Variants in TAFA2 observed in about 807,000 individuals in gnomAD.
TAFA2 encodes the protein TAFA chemokine like family member 2.
A neutral mutation model predicts 18.8 loss-of-function variants in TAFA2; 7 were observed. The ratio of observed to expected loss-of-function variants is 0.37; its 90% CI spans 0.21 to 0.70. TAFA2 has a LOEUF of 0.70. Ranked by LOEUF, TAFA2 falls within the 30% of genes least tolerant of loss-of-function variation. The probability of loss-of-function intolerance (pLI) is 0.53; values close to 1 mark genes in which losing one functional copy is unlikely to be tolerated. For missense variants in TAFA2, 122 were observed against 158.1 expected (o/e 0.77, Z 1.23); for synonymous variants, 60 against 54.2 (o/e 1.11, Z -0.47).
At chr12:61,763,746 G>A (rs531026611) in intron 2 of TAFA2, among the ~76,000 whole-genome samples, 20 of 151,884 alleles carry the variant, frequency 1.3e-4, no homozygotes, top group Admixed American at 3.3e-4. Context: ...AAAGAGGGAT[G>A]GAGCTCGGAG....
chr12:62,116,478 C>T (rs560339748), intron 1 of TAFA2, among the ~76,000 whole-genome samples: 20 of 151,072 alleles, frequency 1.3e-4, no homozygotes, highest in Non-Finnish European at 2.5e-4. Context: ...TAGGCTCTGG[C>T]GTATGTGGCA....
chr12:61,927,370 C>T lies in TAFA2; in HGVS notation c.-1-59944G>A, dbSNP rs1464180179. 2.0e-5 allele frequency among the ~76,000 whole-genome samples: 3 copies of T among 152,062 alleles called. No homozygotes were observed. In the East Asian group the frequency reaches 5.8e-4, roughly 29 times the overall value. ...TCACAGCATTCCTATACAGCAATAA[C>T]AGATAAACAGAGAGCCAAATCATGA... On this transcript the variant is annotated intron_variant, in intron 1 of 4. Coordinates refer to ENST00000416284, the MANE Select transcript of TAFA2 (RefSeq NM_178539.5).
At chr12:62,058,710 C>T (rs1188113887) in intron 1 of TAFA2, among the ~76,000 whole-genome samples, 1 of 152,114 alleles carries the variant, frequency 6.6e-6, no homozygotes, top group Non-Finnish European at 1.5e-5. Context: ...CTTGTATTCT[C>T]GTCATTTTGG....
chr12:61,714,911 C>A (rs543335846), intron 4 of TAFA2, among the ~76,000 whole-genome samples: 1 of 152,330 alleles, frequency 6.6e-6, no homozygotes, highest in Non-Finnish European at 1.5e-5. Flanking sequence ...ATAGCTCAGG[C>A]TTTGTTCGGC....
chr12:62,228,117 T>G (rs2062795977), intron 1 of TAFA2, among the ~76,000 whole-genome samples: 1 of 152,148 alleles, frequency 6.6e-6, no homozygotes. Context: ...AATTTTTAAT[T>G]TTTTTATCGT....
intron 1 of TAFA2, among the ~76,000 whole-genome samples, chr12:62,022,546 T>C (rs1295874307): frequency 1.3e-5 from 2 of 152,212 alleles, no homozygotes; most frequent in African/African-American, 4.8e-5. Context: ...AGGAACTTGC[T>C]AAGTGCTTCA....
chr12:61,841,871 T>G (rs907366154), intron 2 of TAFA2, among the ~76,000 whole-genome samples: 3 of 152,018 alleles, frequency 2.0e-5, no homozygotes, highest in Non-Finnish European at 2.9e-5. Flanking sequence ...TTATTATGTG[T>G]CCATAAAACA....
At chr12:62,127,645 A>T (rs898915611) in intron 1 of TAFA2, among the ~76,000 whole-genome samples, 1 of 151,968 alleles carries the variant, frequency 6.6e-6, no homozygotes, top group Non-Finnish European at 1.5e-5. Flanking sequence ...GAGACCATGA[A>T]GGTCTTAAAC....
chr12:62,115,373 A>G (rs1180823886), intron 1 of TAFA2, among the ~76,000 whole-genome samples: 1 of 152,128 alleles, frequency 6.6e-6, no homozygotes, highest in Non-Finnish European at 1.5e-5. Flanking sequence ...ACAGCATATT[A>G]CAGCGCTATG....
chr12:62,200,431 A>G (rs1190271819), intron 1 of TAFA2, among the ~76,000 whole-genome samples: 1 of 150,680 alleles, frequency 6.6e-6, no homozygotes, highest in African/African-American at 2.4e-5. Context: ...TAATTTTTGT[A>G]CAAGGTGTAA....
intron 1 of TAFA2, among the ~76,000 whole-genome samples, chr12:61,874,941 G>T (rs141462050): frequency 4.6e-5 from 7 of 151,810 alleles, no homozygotes; most frequent in African/African-American, 1.7e-4. Flanking sequence ...AAGAAATCAC[G>T]GGAGAGTTTG....
intron 4 of TAFA2, among the ~76,000 whole-genome samples, chr12:61,744,153 G>T (rs888967575): frequency 6.6e-6 from 1 of 152,010 alleles, no homozygotes; most frequent in South Asian, 2.1e-4. Context: ...TATTGCTCTC[G>T]CCACTTAGTT....
At chr12:61,793,777 A>C (rs943776601) in intron 2 of TAFA2, among the ~76,000 whole-genome samples, 1 of 151,870 alleles carries the variant, frequency 6.6e-6, no homozygotes, top group African/African-American at 2.4e-5. Context: ...ATAAAAACAA[A>C]ACACATTGTA....
At chr12:61,876,499 A>G (rs971530769) in intron 1 of TAFA2, among the ~76,000 whole-genome samples, 2 of 152,202 alleles carry the variant, frequency 1.3e-5, no homozygotes, top group Non-Finnish European at 2.9e-5. Context: ...AGTTAACAGC[A>G]CGCATTCAAG....
chr12:62,093,475 C>T (rs1868808358), intron 1 of TAFA2, among the ~76,000 whole-genome samples: 1 of 152,014 alleles, frequency 6.6e-6, no homozygotes, highest in Non-Finnish European at 1.5e-5. Flanking sequence ...ATAGAATTTA[C>T]ACATTCAAAT....
chr12:61,933,846 C>G (rs1480033275), intron 1 of TAFA2, among the ~76,000 whole-genome samples: 1 of 152,196 alleles, frequency 6.6e-6, no homozygotes, highest in Non-Finnish European at 1.5e-5. Context: ...GTTTCTAAAT[C>G]TCATTTTAAA....
chr12:61,751,836 CA>C (rs969868880), intron 4 of TAFA2, among the ~76,000 whole-genome samples: 17 of 151,754 alleles, frequency 1.1e-4, no homozygotes, highest in African/African-American at 3.9e-4. Flanking sequence ...GTCAACAGGC[CA>C]AAAGGGAGTA....
chr12:62,164,141 T>C (rs1010233982), intron 1 of TAFA2, among the ~76,000 whole-genome samples: 6 of 152,112 alleles, frequency 3.9e-5, no homozygotes, highest in East Asian at 3.9e-4. Flanking sequence ...TCTGTGCTTA[T>C]GCCATGAATC....
intron 2 of TAFA2, among the ~76,000 whole-genome samples, chr12:61,865,942 T>C (rs1333741866): frequency 1.3e-5 from 2 of 152,168 alleles, no homozygotes; most frequent in Non-Finnish European, 2.9e-5. Flanking sequence ...CCCTACTGGA[T>C]TGCAGCTCTT....
Sources: gnomAD v4.1 joint callset for allele counts (sites outside exome capture counted in the v4.1 genomes callset) on GRCh38, gnomAD v4.1.1 for gene constraint, MANE v1.5 for transcripts, NCBI Gene and HGNC (gene_info 2026-07-23, HGNC 2026-07-21) for gene names.